Variants in CDK12 observed in about 807,000 individuals in gnomAD.
CDK12 encodes the protein cyclin dependent kinase 12, also known as cyclin-dependent kinase 12.
A neutral mutation model predicts 133.8 loss-of-function variants in CDK12; 17 were observed. The ratio of observed to expected loss-of-function variants is 0.13; its 90% CI spans 0.09 to 0.19. CDK12 has a LOEUF of 0.19. CDK12 is among the 10% of genes least tolerant of loss of function. The probability of loss-of-function intolerance (pLI) is 1.00; values close to 1 mark genes in which losing one functional copy is unlikely to be tolerated. For synonymous variants in CDK12, 694 were observed against 683.6 expected (o/e 1.02, Z -0.24); for missense variants, 1,508 against 1,818.7 (o/e 0.83, Z 3.11).
intron 4 of CDK12, among the ~76,000 whole-genome samples, chr17:39,494,101 A>C (rs915554720): frequency 6.6e-6 from 1 of 152,128 alleles, no homozygotes; most frequent in Non-Finnish European, 1.5e-5. Flanking sequence ...TCTGTCACCC[A>C]GGGTGGAGTG....
chr17:39,513,700 A>G (rs546510252), intron 8 of CDK12, among the ~76,000 whole-genome samples: 2 of 152,346 alleles, frequency 1.3e-5, no homozygotes, highest in Admixed American at 1.3e-4. Context: ...AAACAGAAAA[A>G]CACAATTGGA....
intron 2 of CDK12, among the ~76,000 whole-genome samples, chr17:39,480,212 C>T (rs1395424893): frequency 2.0e-5 from 3 of 151,290 alleles, no homozygotes; most frequent in Non-Finnish European, 2.9e-5. Flanking sequence ...CGCGAGCCAC[C>T]GTGTCCAGCC....
rs969506106 is a variant in CDK12 at position 39,532,232 on chromosome 17, C to CT, written c.*919dup. 2 of 232,602 alleles carry CT rather than the reference C, an allele frequency of 8.6e-6. No individual in the cohort carries two copies. Among genetic ancestry groups the CT allele is most frequent in the Admixed American group, 1.1e-4 (2 of 17,722 alleles). The allele number at this position is 232,602 out of a possible 1,614,324, so 14.4% of individuals were successfully genotyped here. A position where few individuals can be genotyped will look rare whatever the true frequency, so the allele number is the denominator to read the frequency against. The stretch of plus-strand genomic sequence containing the variant: ...AGATGCCCAAGAACCTGGGATAATT[C>CT]TTTACTTTTTTTGAAATAAAGGAAA... On this transcript the variant is annotated 3_prime_UTR_variant, in exon 14 of 14. Coordinates refer to ENST00000447079, the MANE Select transcript of CDK12 (RefSeq NM_016507.4).
chr17:39,484,209 C>T (rs2050946095), intron 2 of CDK12, among the ~76,000 whole-genome samples: 1 of 152,108 alleles, frequency 6.6e-6, no homozygotes, highest in Non-Finnish European at 1.5e-5. Context: ...AGATTCAGTT[C>T]AGATTCCAAA....
At chr17:39,478,452 C>G (rs973560150) in intron 2 of CDK12, among the ~76,000 whole-genome samples, 2 of 152,120 alleles carry the variant, frequency 1.3e-5, no homozygotes, top group Non-Finnish European at 2.9e-5. Flanking sequence ...CCTTGGCCTC[C>G]CATAGTGCTG....
chr17:39,504,963 G>A (rs2052998579), intron 6 of CDK12, among the ~76,000 whole-genome samples: 1 of 151,222 alleles, frequency 6.6e-6, no homozygotes, highest in Non-Finnish European at 1.5e-5. Flanking sequence ...AGGCGCAGTG[G>A]CTCACACCTG....
At chr17:39,565,680 C>T (rs1050023108), downstream of CDK12, among the ~76,000 whole-genome samples, 6 of 152,062 alleles carry the variant, frequency 3.9e-5, no homozygotes, top group African/African-American at 1.4e-4. Flanking sequence ...GTGATCCACC[C>T]GCCTCAGCCT....
intron 13 of CDK12, among the ~76,000 whole-genome samples, chr17:39,526,949 A>G (rs985307224): frequency 6.6e-6 from 1 of 152,144 alleles, no homozygotes. Flanking sequence ...TATTATAAAG[A>G]AAAAAAAGGA....
chr17:39,476,685 T>C (rs996578049), intron 2 of CDK12, among the ~76,000 whole-genome samples: 1 of 142,730 alleles, frequency 7.0e-6, no homozygotes, highest in African/African-American at 2.6e-5. Flanking sequence ...AGTGCAGAGA[T>C]TACAGGCATG....
intron 2 of CDK12, among the ~76,000 whole-genome samples, chr17:39,489,737 C>A (rs979828959): frequency 2.6e-5 from 4 of 151,332 alleles, no homozygotes; most frequent in Non-Finnish European, 5.9e-5. Context: ...CGTGATCTGC[C>A]CGCCTCAGCC....
chr17:39,509,604 T>C (rs1459544856), intron 6 of CDK12, 101 bp from the exon 7 acceptor site: 2 of 782,000 alleles, frequency 2.6e-6, no homozygotes, highest in African/African-American at 3.5e-5. Flanking sequence ...TTAAAATTTA[T>C]TTTTGTAATT....
chr17:39,479,134 C>T (rs574448712), intron 2 of CDK12, among the ~76,000 whole-genome samples: 90 of 151,958 alleles, frequency 5.9e-4, no homozygotes, highest in African/African-American at 2.1e-3. Context: ...CGATGAAACC[C>T]CGTCTCTACT....
intron 9 of CDK12, 38 bp downstream of exon 9, chr17:39,515,846 A>G (rs762367375): frequency 8.3e-6 from 11 of 1,329,750 alleles, no homozygotes; most frequent in Non-Finnish European, 1.1e-5. Context: ...CCCAGGTGTG[A>G]TAGGTATTCT....
chr17:39,543,104 C>T (rs1021176744), upstream of CDK12, among the ~76,000 whole-genome samples: 163 of 152,258 alleles, frequency 1.1e-3, 2 homozygotes, highest in African/African-American at 3.8e-3. Context: ...ACTATGGTGG[C>T]GGAAGGGGGT....
At chr17:39,502,147 A>AGTTTGTTT (rs898595231) in intron 6 of CDK12, among the ~76,000 whole-genome samples, 2 of 111,024 alleles carry the variant, frequency 1.8e-5, no homozygotes, top group African/African-American at 7.0e-5. Flanking sequence ...CTGGCATACT[A>AGTTTGTTT]GTTTGTTTGT....
intron 1 of CDK12, among the ~76,000 whole-genome samples, chr17:39,470,152 G>A (rs549497955): frequency 1.8e-4 from 26 of 143,958 alleles, no homozygotes; most frequent in Non-Finnish European, 3.7e-4. Flanking sequence ...TTTTTTTTGA[G>A]ATGTAGTCTC....
chr17:39,464,015 C>A (rs2049124942), intron 1 of CDK12, among the ~76,000 whole-genome samples: 1 of 152,014 alleles, frequency 6.6e-6, no homozygotes, highest in African/African-American at 2.4e-5. Flanking sequence ...TGACCTTTAG[C>A]AAATGAGTTA....
chr17:39,497,290 T>C (rs1018180487), intron 5 of CDK12, among the ~76,000 whole-genome samples: 5 of 152,078 alleles, frequency 3.3e-5, no homozygotes, highest in African/African-American at 1.2e-4. Flanking sequence ...ATGCCTATAA[T>C]CCCAGCATTT....
intron 2 of CDK12, among the ~76,000 whole-genome samples, chr17:39,473,777 C>CG (rs1483692195): frequency 6.6e-6 from 1 of 151,738 alleles, no homozygotes; most frequent in African/African-American, 2.4e-5. Context: ...CCCAGCTACT[C>CG]GGGAGGCTGA....
Sources: gnomAD v4.1 joint callset for allele counts (sites outside exome capture counted in the v4.1 genomes callset) on GRCh38, gnomAD v4.1.1 for gene constraint, MANE v1.5 for transcripts, NCBI Gene and HGNC (gene_info 2026-07-23, HGNC 2026-07-21) for gene names.